The following ZNF507 variants were observed in gnomAD, a reference collection of about 807,000 sequenced individuals.
ZNF507 encodes zinc finger protein 507.
In ZNF507, 29 loss-of-function variants were observed where a neutral mutation model predicts 80.0. The observed-to-expected ratio is 0.36, with a 90% CI of 0.27 to 0.49. The LOEUF is 0.49. Ranked by LOEUF, ZNF507 falls within the 20% of genes least tolerant of loss-of-function variation. ZNF507 has a pLI of 0.98. For synonymous variants in ZNF507, 462 were observed against 422.5 expected (o/e 1.09, Z -1.15); for missense variants, 1,081 against 1,152.2 (o/e 0.94, Z 0.90).
chr19:32,356,789 C>CA (rs1374152448), intron 4 of ZNF507, 56 bp downstream of exon 4: 1 of 1,356,380 alleles, frequency 7.4e-7, no homozygotes, highest in East Asian at 2.3e-5. Context: ...CATAAAAGTG[C>CA]CCTTAGTTGT....
intron 2 of ZNF507, among the ~76,000 whole-genome samples, chr19:32,350,491 T>C (rs1316208556): frequency 1.3e-5 from 2 of 152,204 alleles, no homozygotes; most frequent in African/African-American, 4.8e-5. Context: ...GATTCTTTTG[T>C]ATTAGTCTTT....
Position 32,382,906 on chromosome 19 carries a change from A to G in ZNF507, c.2685A>G (p.Lys895=). Residue 895 remains lysine (K), a synonymous_variant, in exon 7 of 7, where the codon AAA becomes AAG. Transcript: ENST00000355898. ...PTSNTSYSLE[K]ISSLAPPSME... Reference sequence around the variant, plus strand: ...GTAATACCTCATATAGTTTAGAAAAAATCTCCAGTCTGGCCCCTCCTAGCA... The same window carrying G: ...GTAATACCTCATATAGTTTAGAAAAGATCTCCAGTCTGGCCCCTCCTAGCA... 6.2e-7 allele frequency: 1 copy of G among 1,614,082 alleles called. No individual in the cohort carries two copies. Among genetic ancestry groups the G allele is most frequent in the African/African-American group, 1.3e-5 (1 of 75,004 alleles).
At chr19:32,361,698 T>G (rs1568305638) in intron 5 of ZNF507, among the ~76,000 whole-genome samples, 1 of 142,836 alleles carries the variant, frequency 7.0e-6, no homozygotes, top group East Asian at 2.1e-4. Context: ...TTCCTTTCCT[T>G]CCTTTCCTTC....
At position 32,387,236 on chromosome 19, in the gene ZNF507, A is replaced by G. The variant is rs1967700992; in HGVS notation, c.*4153A>G. The G allele has an allele frequency of 6.6e-6, 1 of 152,204 alleles. No homozygotes were observed. The highest frequency in any genetic ancestry group is 6.5e-5 in the Admixed American group (1 of 15,274). 9.4% of individuals were successfully genotyped at this position (152,204 alleles called of 1,614,324 possible). ...TTAGTGAAGGCCAAAAACTACAGTG[A>G]TATGTTCACACCTTGATCACTCTGT... On this transcript the variant is annotated 3_prime_UTR_variant, in exon 7 of 7. Coordinates refer to ENST00000355898, the MANE Select transcript of ZNF507 (RefSeq NM_001136156.2).
Position 32,387,165 on chromosome 19 carries a change from A to C in ZNF507, c.*4082A>C, listed in dbSNP as rs1967700540. 6.6e-6 allele frequency: 1 copy of C among 152,238 alleles called. No individual in the cohort carries two copies. Among genetic ancestry groups the C allele is most frequent in the Non-Finnish European group, 1.5e-5 (1 of 68,044 alleles). The allele number at this position is 152,238 out of a possible 1,614,324, so 9.4% of individuals were successfully genotyped here. On this transcript the variant is annotated 3_prime_UTR_variant, in exon 7 of 7. Transcript: ENST00000355898. ...TATGCTTTCAATTCTGATATAGTCA[A>C]AGTGCTAAAGACTAGTTCTGCTATT... is the stretch of plus-strand genomic sequence containing the variant.
intron 5 of ZNF507, among the ~76,000 whole-genome samples, chr19:32,362,465 A>G (rs1300920719): frequency 6.6e-6 from 1 of 152,212 alleles, no homozygotes; most frequent in African/African-American, 2.4e-5. Context: ...GCCGTGCTAG[A>G]TTCTTGGACT....
chr19:32,379,233 T>C (rs995986617), intron 5 of ZNF507, among the ~76,000 whole-genome samples: 6 of 152,286 alleles, frequency 3.9e-5, no homozygotes, highest in African/African-American at 1.4e-4. Context: ...AGTGAAAATA[T>C]TATAGATTTA....
At position 32,354,095 on chromosome 19, in the gene ZNF507, A is replaced by G; in HGVS notation, c.1265A>G (p.Glu422Gly). ...TTCCTCATGAACACTGAAATGGAAG[A>G]AGGGAAGGACCTGAGCCTGACAGAA... is the stretch of plus-strand genomic sequence containing the variant. ...KRFLMNTEMEEGKDLSLTEAQ... is the reference protein window; with the variant it reads ...KRFLMNTEMEGGKDLSLTEAQ... The change falls in exon 3 of 7, where the codon GAA (glutamate) becomes GGA (glycine). Residue 422 changes from glutamate to glycine, a missense_variant. By Grantham distance (98) the Glu-to-Gly change is moderately conservative. This residue lies in a region of ZNF507 where 614 missense variants were observed against 583.9 expected (regional missense o/e 1.05). Transcript: ENST00000355898. 6.2e-7 allele frequency: 1 copy of G among 1,613,900 alleles called. No individual in the cohort carries two copies. The highest frequency in any genetic ancestry group is 8.5e-7 in the Non-Finnish European group (1 of 1,180,030).
At chr19:32,382,278 G>T in intron 5 of ZNF507, 189 bp from the exon 6 acceptor site, 1 of 564,946 alleles carries the variant, frequency 1.8e-6, no homozygotes, top group Non-Finnish European at 3.0e-6. Flanking sequence ...TTGATTCTAG[G>T]ACTTCCATTC....
Position 32,354,431 on chromosome 19 carries a change from A to G in ZNF507, c.1601A>G (p.Asp534Gly), listed in dbSNP as rs915049930. 79 of 1,614,194 alleles carry G rather than the reference A, an allele frequency of 4.9e-5. No homozygotes were observed. The highest frequency in any genetic ancestry group is 6.6e-5 in the Non-Finnish European group (78 of 1,180,046). ...LDPDTSQRQV[D>G]STLAAYSKMM... ...CCAGATACTAGTCAAAGGCAAGTAG[A>G]TAGTACATTGGCAGCGTACTCAAAA... The change falls in exon 3 of 7, where the codon GAT becomes GGT. Residue 534 changes from aspartate to glycine, a missense_variant. Asp to Gly is a moderately conservative substitution (Grantham distance 94). Transcript: ENST00000355898.
In ZNF507 at chr19:32,382,929, G is replaced by A; in HGVS notation, c.2708G>A (p.Ser903Asn). The change falls in exon 7 of 7, where the codon AGC becomes AAC. Residue 903 changes from serine to asparagine, a missense_variant. Coordinates refer to ENST00000355898, the MANE Select transcript of ZNF507 (RefSeq NM_001136156.2). ...LEKISSLAPP[S>N]MEYCVLLFCC... ...AAAATCTCCAGTCTGGCCCCTCCTA[G>A]CATGGAGTACTGCGTTTTACTCTTC... The A allele has an allele frequency of 6.2e-7, 1 of 1,614,130 alleles. No individual in the cohort carries two copies. The highest frequency in any genetic ancestry group is 8.5e-7 in the Non-Finnish European group (1 of 1,180,020).
chr19:32,345,974 G>T (rs1967091470), intron 1 of ZNF507, among the ~76,000 whole-genome samples, 191 bp downstream of exon 1: 1 of 152,218 alleles, frequency 6.6e-6, no homozygotes, highest in Non-Finnish European at 1.5e-5. Flanking sequence ...GAGACTCTGG[G>T]CTTGCCCTGC....
intron 3 of ZNF507, 22 bp from the exon 4 acceptor site, chr19:32,356,594 C>G (rs755409607): frequency 6.4e-7 from 1 of 1,557,774 alleles, no homozygotes; most frequent in East Asian, 2.2e-5. Context: ...TTGAAAATTA[C>G]ATATTTCTTT....
chr19:32,374,063 T>C (rs1271559413), intron 5 of ZNF507, among the ~76,000 whole-genome samples: 1 of 152,166 alleles, frequency 6.6e-6, no homozygotes, highest in Non-Finnish European at 1.5e-5. Context: ...CGTATTCCCA[T>C]AGTAGTTAAT....
rs1967664123 is a variant in ZNF507, at chr19:32,384,541, G to A, written c.*1458G>A. 3.3e-5 allele frequency: 5 copies of A among 152,194 alleles called. No homozygotes were observed. The allele number at this position is 152,194 out of a possible 1,614,324, so 9.4% of individuals were successfully genotyped here. On this transcript the variant is annotated 3_prime_UTR_variant, in exon 7 of 7. Coordinates refer to ENST00000355898, the MANE Select transcript of ZNF507 (RefSeq NM_001136156.2). ...TGATTTCTAACACCTGGATGAGGCTGTGACCGATCAACTTGGAACACTGTA... is the reference window on the plus strand; with the variant it reads ...TGATTTCTAACACCTGGATGAGGCTATGACCGATCAACTTGGAACACTGTA...
Position 32,354,255 on chromosome 19 carries a change from T to C in ZNF507, c.1425T>C (p.Asp475=). The C allele has an allele frequency of 6.2e-7, 1 of 1,613,266 alleles. No homozygotes were observed. Among genetic ancestry groups the C allele is most frequent in the Non-Finnish European group, 8.5e-7 (1 of 1,179,208 alleles). ...DELMNKGLAT[D]ENAPPGRRRT... is the part of the protein sequence containing the mutation. Reference sequence around the variant, plus strand: ...TAATGAATAAAGGCCTGGCTACTGATGAGAATGCCCCACCAGGCCGGAGAA... The same window carrying C: ...TAATGAATAAAGGCCTGGCTACTGACGAGAATGCCCCACCAGGCCGGAGAA... The change falls in exon 3 of 7, where the codon GAT becomes GAC. Residue 475 remains aspartate, a synonymous_variant. Coordinates refer to ENST00000355898, the MANE Select transcript of ZNF507 (RefSeq NM_001136156.2).
intron 5 of ZNF507, among the ~76,000 whole-genome samples, chr19:32,371,637 A>ATTTTTT (rs201484142): frequency 1.1e-5 from 1 of 88,348 alleles, no homozygotes; most frequent in African/African-American, 3.6e-5. Context: ...TATTATTATT[A>ATTTTTT]TTATTATTTT....
chr19:32,358,831 G>A (rs1004602799), intron 4 of ZNF507: 1 of 152,148 alleles, frequency 6.6e-6, no homozygotes, highest in Non-Finnish European at 1.5e-5. Flanking sequence ...TATGCTGTGA[G>A]GTTCTAGCAT....
At position 32,354,395 on chromosome 19, in the gene ZNF507, A is replaced by G. The variant is rs750170711; in HGVS notation, c.1565A>G (p.Asn522Ser). 5 of 1,614,018 alleles carry G rather than the reference A, an allele frequency of 3.1e-6. No individual in the cohort carries two copies. The South Asian group carries it at 5.5e-5, about 18-fold the overall frequency. The change falls in exon 3 of 7, where the codon AAC becomes AGC. Residue 522 changes from asparagine (N) to serine (S), a missense_variant. By Grantham distance (46) the Asn-to-Ser change is conservative. This residue lies in a region of ZNF507 where 614 missense variants were observed against 583.9 expected (regional missense o/e 1.05). Transcript: ENST00000355898. ...RANLGHYGDI[N>S]LLDPDTSQRQ... Reference sequence around the variant, plus strand: ...AACCTGGGGCACTATGGAGATATAAACCTTTTAGATCCAGATACTAGTCAA... The same window carrying G: ...AACCTGGGGCACTATGGAGATATAAGCCTTTTAGATCCAGATACTAGTCAA...
Sources: allele counts gnomAD v4.1 joint callset (sites outside exome capture counted in the v4.1 genomes callset), GRCh38; gene constraint gnomAD v4.1.1; regional missense constraint gnomAD v4.1.1; transcripts MANE v1.5; gene names NCBI Gene and HGNC (gene_info 2026-07-23, HGNC 2026-07-21).